SCAPER: variants seen among roughly 807,000 people sequenced by gnomAD.
SCAPER encodes the protein S-phase cyclin A associated protein in the ER.
Under a neutral mutation model 182.2 loss-of-function variants are expected in SCAPER, and 98 were observed. The observed-to-expected ratio is 0.54, with a 90% CI of 0.46 to 0.64. SCAPER has a LOEUF of 0.64. SCAPER is among the 30% of genes least tolerant of loss of function. The probability of loss-of-function intolerance (pLI) is 0.00; values close to 1 mark genes in which losing one functional copy is unlikely to be tolerated. For missense variants in SCAPER, 1,432 were observed against 1,690.0 expected (o/e 0.85, Z 2.68); for synonymous variants, 605 against 564.6 (o/e 1.07, Z -1.01).
intron 24 of SCAPER, among the ~76,000 whole-genome samples, chr15:76,482,838 T>A: frequency 6.6e-6 from 1 of 152,052 alleles, no homozygotes; most frequent in East Asian, 1.9e-4. Flanking sequence ...ACTATAAAAC[T>A]CTGATGGATG....
At chr15:76,640,060 A>G (rs1282665512) in intron 21 of SCAPER, among the ~76,000 whole-genome samples, 1 of 152,160 alleles carries the variant, frequency 6.6e-6, no homozygotes, top group African/African-American at 2.4e-5. Flanking sequence ...GGAGTAAACG[A>G]TTTATTTTTA....
At chr15:76,583,992 A>G (rs2048450524) in intron 22 of SCAPER, among the ~76,000 whole-genome samples, 1 of 152,216 alleles carries the variant, frequency 6.6e-6, no homozygotes, top group Non-Finnish European at 1.5e-5. Context: ...AGCACTATTC[A>G]TAATAGCCAA....
chr15:76,427,440 T>C (rs1375687019), intron 26 of SCAPER, among the ~76,000 whole-genome samples: 3 of 152,082 alleles, frequency 2.0e-5, no homozygotes, highest in African/African-American at 7.2e-5. Context: ...GACATACAAA[T>C]GGCCAACAGG....
chr15:76,862,362 A>G, intron 3 of SCAPER, 54 bp downstream of exon 3: 2 of 1,151,878 alleles, frequency 1.7e-6, no homozygotes, highest in Non-Finnish European at 2.6e-6. Context: ...CTTTAGGACT[A>G]AATACACCCT....
chr15:76,716,744 G>A (rs1274085337), intron 17 of SCAPER, among the ~76,000 whole-genome samples: 1 of 151,800 alleles, frequency 6.6e-6, no homozygotes, highest in African/African-American at 2.4e-5. Flanking sequence ...TGACTCAGAA[G>A]AGAAGAAAAA....
intron 5 of SCAPER, among the ~76,000 whole-genome samples, chr15:76,822,119 G>A (rs963487417): frequency 2.0e-5 from 3 of 152,128 alleles, no homozygotes; most frequent in Non-Finnish European, 2.9e-5. Context: ...ATCATAGAAC[G>A]TATAAGACCA....
intron 5 of SCAPER, among the ~76,000 whole-genome samples, chr15:76,814,532 A>G (rs1227544501): frequency 6.6e-6 from 1 of 152,250 alleles, no homozygotes; most frequent in Non-Finnish European, 1.5e-5. Context: ...TAAACTCTTC[A>G]ATAGTGTTGG....
At chr15:76,782,528 G>GACCTAATAGAC (rs1271981646) in intron 8 of SCAPER, among the ~76,000 whole-genome samples, 1 of 152,120 alleles carries the variant, frequency 6.6e-6, no homozygotes, top group Admixed American at 6.6e-5. Flanking sequence ...GCACCAAGCC[G>GACCTAATAGAC]ACCTAATAGA....
intron 29 of SCAPER, among the ~76,000 whole-genome samples, chr15:76,372,566 G>T (rs2042255403): frequency 6.6e-6 from 1 of 152,204 alleles, no homozygotes; most frequent in African/African-American, 2.4e-5. Flanking sequence ...TCTGAGTTCA[G>T]TAAGTTTATC....
At chr15:76,397,339 A>G (rs1436091873) in intron 27 of SCAPER, among the ~76,000 whole-genome samples, 2 of 151,978 alleles carry the variant, frequency 1.3e-5, no homozygotes, top group African/African-American at 4.8e-5. Context: ...GGCCTTGTAG[A>G]AAGAGTTTGG....
At chr15:76,408,785 C>T (rs952965633) in intron 26 of SCAPER, among the ~76,000 whole-genome samples, 1 of 151,878 alleles carries the variant, frequency 6.6e-6, no homozygotes, top group African/African-American at 2.4e-5. Context: ...GAATTCACTG[C>T]TTTTCTGTGG....
Position 76,582,288 on chromosome 15 carries a change from T to C in SCAPER, c.2712-8004A>G, listed in dbSNP as rs146813278. On this transcript the variant is annotated intron_variant, in intron 22 of 31. Coordinates refer to ENST00000563290, the MANE Select transcript of SCAPER (RefSeq NM_020843.4). ...AGGATATAAAATCAACATATGAAAATCATTAGCATTTCTACATCCTGACAG... is the reference window on the plus strand; with the variant it reads ...AGGATATAAAATCAACATATGAAAACCATTAGCATTTCTACATCCTGACAG... Among the ~76,000 whole-genome samples the C allele has an allele frequency of 4.4e-3, 671 of 152,236 alleles. 6 individuals carry two copies. The highest frequency in any genetic ancestry group is 5.6e-3 in the African/African-American group (234 of 41,556).
chr15:76,476,726 C>T (rs1164400153), intron 24 of SCAPER, among the ~76,000 whole-genome samples: 3 of 145,192 alleles, frequency 2.1e-5, no homozygotes, highest in Non-Finnish European at 4.5e-5. Context: ...GGATTATAGG[C>T]GTTAGCCAAC....
intron 17 of SCAPER, among the ~76,000 whole-genome samples, chr15:76,707,467 A>G (rs141903522): frequency 0.033 from 5,013 of 152,236 alleles, 120 homozygotes; most frequent in Middle Eastern, 0.054. Context: ...AGATACGGCT[A>G]TATTTACAAC....
At chr15:76,862,118 G>A (rs1209401517) in intron 3 of SCAPER, among the ~76,000 whole-genome samples, 1 of 152,056 alleles carries the variant, frequency 6.6e-6, no homozygotes, top group Non-Finnish European at 1.5e-5. Context: ...GATTTGGGTG[G>A]GGAGACAAAG....
chr15:76,573,991 A>G (rs2047639140), intron 23 of SCAPER, among the ~76,000 whole-genome samples, 167 bp downstream of exon 23: 1 of 152,134 alleles, frequency 6.6e-6, no homozygotes, highest in African/African-American at 2.4e-5. Context: ...CTTCAATTAA[A>G]CAACTGAAAA....
rs758215425 is a variant in SCAPER, at chr15:76,733,382, T to C, written c.1869A>G (p.Val623=). 1.2e-6 allele frequency: 2 copies of C among 1,611,400 alleles called. No homozygotes were observed. The highest frequency in any genetic ancestry group is 1.7e-4 in the Middle Eastern group (1 of 6,042). ...VKKAQEEEAK[V]NEIAFINTLE... ...GGGTATTTATAAAGGCAATTTCATT[T>C]ACCTTTAAAAAAACAAAGAAGGTAA... The change falls in exon 16 of 32, where the codon GTA becomes GTG. Residue 623 remains valine, a splice_region_variant and synonymous_variant. Coordinates refer to ENST00000563290, the MANE Select transcript of SCAPER (RefSeq NM_020843.4).
chr15:76,435,162 C>T (rs2047114524), intron 25 of SCAPER, among the ~76,000 whole-genome samples: 1 of 152,232 alleles, frequency 6.6e-6, no homozygotes, highest in East Asian at 1.9e-4. Flanking sequence ...ACACAGTCCA[C>T]CCAACCACAA....
At chr15:76,486,582 C>T (rs927236779) in intron 24 of SCAPER, among the ~76,000 whole-genome samples, 1 of 152,072 alleles carries the variant, frequency 6.6e-6, no homozygotes, top group African/African-American at 2.4e-5. Context: ...GACATACATG[C>T]AGCCAACAAT....
Sources: gnomAD v4.1 joint callset for allele counts (sites outside exome capture counted in the v4.1 genomes callset) on GRCh38, gnomAD v4.1.1 for gene constraint, MANE v1.5 for transcripts, NCBI Gene and HGNC (gene_info 2026-07-23, HGNC 2026-07-21) for gene names.